Variants in BRINP3 observed in about 807,000 individuals in gnomAD.
The protein encoded by BRINP3 is BMP/retinoic acid inducible neural specific 3.
BRINP3 carries 19 observed loss-of-function variants against 71.0 expected under a neutral mutation model. That is an observed-to-expected ratio of 0.27 (90% CI 0.19 to 0.39). The LOEUF (loss-of-function observed/expected upper bound fraction) is 0.39, where lower values mean the gene tolerates loss of function less well. Ranked by LOEUF, BRINP3 falls within the 10% of genes least tolerant of loss-of-function variation. BRINP3 has a pLI of 1.00. For synonymous variants in BRINP3, 380 were observed against 337.7 expected (o/e 1.13, Z -1.37); for missense variants, 959 against 940.8 (o/e 1.02, Z -0.25).
Position 190,316,622 on chromosome 1 carries a change from A to G in BRINP3, c.237-34872T>C, listed in dbSNP as rs139007272. ...ACTAAATGAGATTTATAATTTTCACACATTCTGACAGCCTCAGTGCTATAA... is the reference window on the plus strand; with the variant it reads ...ACTAAATGAGATTTATAATTTTCACGCATTCTGACAGCCTCAGTGCTATAA... On this transcript the variant is annotated intron_variant, in intron 2 of 7. Transcript: ENST00000367462. 1.3e-3 allele frequency among the ~76,000 whole-genome samples: 196 copies of G among 152,244 alleles called. 1 individual carries two copies. The East Asian group carries it at 0.032, about 25-fold the overall frequency.
intron 2 of BRINP3, among the ~76,000 whole-genome samples, chr1:190,323,057 C>T (rs775147525): frequency 6.6e-6 from 1 of 151,934 alleles, no homozygotes; most frequent in East Asian, 1.9e-4. Context: ...GTAGGCTACA[C>T]CAAAAGCTTC....
chr1:190,179,236 C>G (rs541161991), intron 6 of BRINP3, among the ~76,000 whole-genome samples: 1 of 152,244 alleles, frequency 6.6e-6, no homozygotes, highest in South Asian at 2.1e-4. Context: ...AAATCTCCCA[C>G]ATCTGCACCT....
intron 2 of BRINP3, among the ~76,000 whole-genome samples, chr1:190,304,483 T>TA (rs1311543803): frequency 3.3e-5 from 5 of 151,816 alleles, no homozygotes; most frequent in African/African-American, 1.2e-4. Context: ...CATGTAGTTA[T>TA]AGCCAACTGA....
chr1:190,444,262 A>T (rs1018348641), intron 2 of BRINP3, among the ~76,000 whole-genome samples: 7 of 150,400 alleles, frequency 4.7e-5, no homozygotes, highest in Admixed American at 2.7e-4. Flanking sequence ...AAAAAAAAAA[A>T]AAAAAAAAAT....
chr1:190,295,776 C>CCCCAAGCAG (rs1201774979), intron 2 of BRINP3, among the ~76,000 whole-genome samples: 1 of 151,084 alleles, frequency 6.6e-6, no homozygotes, highest in African/African-American at 2.4e-5. Flanking sequence ...CCCTTTCCCT[C>CCCCAAGCAG]CCCAAGCAGC....
At chr1:190,161,777 A>G (rs1650993271) in intron 6 of BRINP3, among the ~76,000 whole-genome samples, 1 of 152,214 alleles carries the variant, frequency 6.6e-6, no homozygotes, top group East Asian at 1.9e-4. Flanking sequence ...AATGTATTAT[A>G]TACATACAAT....
chr1:190,422,588 C>G (rs1211938892), intron 2 of BRINP3, among the ~76,000 whole-genome samples: 1 of 151,652 alleles, frequency 6.6e-6, no homozygotes, highest in Non-Finnish European at 1.5e-5. Flanking sequence ...TACCAATCAC[C>G]AGAGTAGCTG....
At chr1:190,134,482 G>A (rs1371499286) in intron 7 of BRINP3, among the ~76,000 whole-genome samples, 5 of 152,074 alleles carry the variant, frequency 3.3e-5, no homozygotes, top group Non-Finnish European at 7.4e-5. Flanking sequence ...GCTGTGTGGA[G>A]AATGAATTCA....
At chr1:190,339,115 A>C (rs1667486354) in intron 2 of BRINP3, among the ~76,000 whole-genome samples, 1 of 152,008 alleles carries the variant, frequency 6.6e-6, no homozygotes. Context: ...TATTGAAAGA[A>C]TGCTCAGCAC....
At chr1:190,377,051 A>C (rs1670230171) in intron 2 of BRINP3, among the ~76,000 whole-genome samples, 1 of 151,990 alleles carries the variant, frequency 6.6e-6, no homozygotes, top group Non-Finnish European at 1.5e-5. Flanking sequence ...GAAAATTTTA[A>C]TTAAGTTCTA....
At chr1:190,314,192 T>A (rs189322261) in intron 2 of BRINP3, among the ~76,000 whole-genome samples, 1 of 152,208 alleles carries the variant, frequency 6.6e-6, no homozygotes, top group Admixed American at 6.6e-5. Flanking sequence ...TGTAATTTTT[T>A]AATGGAGAAT....
intron 6 of BRINP3, among the ~76,000 whole-genome samples, chr1:190,197,228 C>T (rs2102596369): frequency 6.6e-6 from 1 of 152,068 alleles, no homozygotes; most frequent in East Asian, 1.9e-4. Flanking sequence ...CCTCCCATGA[C>T]ATGTGGGGAT....
At chr1:190,352,235 T>A (rs1220126213) in intron 2 of BRINP3, among the ~76,000 whole-genome samples, 2 of 152,004 alleles carry the variant, frequency 1.3e-5, no homozygotes, top group African/African-American at 4.8e-5. Flanking sequence ...CTACTGAAAA[T>A]TTGTTTTAGA....
intron 6 of BRINP3, among the ~76,000 whole-genome samples, chr1:190,199,969 G>A (rs1022638990): frequency 6.6e-6 from 1 of 151,976 alleles, no homozygotes; most frequent in African/African-American, 2.4e-5. Context: ...TTCCCTCTTA[G>A]TTTATGATAC....
chr1:190,191,702 T>A (rs147998105), intron 6 of BRINP3, among the ~76,000 whole-genome samples: 1 of 152,076 alleles, frequency 6.6e-6, no homozygotes, highest in South Asian at 2.1e-4. Flanking sequence ...TTGTAAATAG[T>A]GCTGCAATAA....
intron 2 of BRINP3, among the ~76,000 whole-genome samples, chr1:190,304,656 A>G (rs1308153090): frequency 1.3e-5 from 2 of 151,916 alleles, no homozygotes; most frequent in Non-Finnish European, 2.9e-5. Flanking sequence ...AAGACTTGAA[A>G]CTAGGAGAAA....
intron 5 of BRINP3, among the ~76,000 whole-genome samples, chr1:190,231,713 G>A (rs1308693371): frequency 2.6e-5 from 4 of 151,460 alleles, no homozygotes; most frequent in Non-Finnish European, 5.9e-5. Context: ...TTGTAGCTAT[G>A]GCTCTTTTAA....
At chr1:190,450,789 A>C (rs1194433197) in intron 2 of BRINP3, among the ~76,000 whole-genome samples, 1 of 152,200 alleles carries the variant, frequency 6.6e-6, no homozygotes, top group East Asian at 1.9e-4. Flanking sequence ...GAAAGGATTA[A>C]ATTTCTGCTT....
chr1:190,453,012 G>A (rs1460276224), intron 2 of BRINP3, among the ~76,000 whole-genome samples: 1 of 152,018 alleles, frequency 6.6e-6, no homozygotes, highest in African/African-American at 2.4e-5. Flanking sequence ...ATCAGTTTGT[G>A]TGATAGAGTG....
Sources: gnomAD v4.1 joint callset for allele counts (sites outside exome capture counted in the v4.1 genomes callset) on GRCh38, gnomAD v4.1.1 for gene constraint, MANE v1.5 for transcripts, NCBI Gene and HGNC (gene_info 2026-07-23, HGNC 2026-07-21) for gene names.